RNGTT: variants seen among roughly 807,000 people sequenced by gnomAD.
RNGTT encodes RNA guanylyltransferase and 5'-phosphatase.
A neutral mutation model predicts 79.3 loss-of-function variants in RNGTT; 33 were observed. That is an observed-to-expected ratio of 0.42 (90% CI 0.32 to 0.56). The LOEUF is 0.56. Ranked by LOEUF, RNGTT falls within the 20% of genes least tolerant of loss-of-function variation. The probability of loss-of-function intolerance (pLI) is 0.17; values close to 1 mark genes in which losing one functional copy is unlikely to be tolerated. For missense variants in RNGTT, 497 were observed against 739.1 expected (o/e 0.67, Z 3.80); for synonymous variants, 222 against 235.9 (o/e 0.94, Z 0.54).
chr6:88,651,751 C>A (rs1397412763), intron 14 of RNGTT, among the ~76,000 whole-genome samples: 1 of 131,670 alleles, frequency 7.6e-6, no homozygotes, highest in East Asian at 1.9e-4. Flanking sequence ...CTTCTTGCCC[C>A]CCCAAATTTT....
chr6:88,691,697 A>T (rs556494608), intron 13 of RNGTT, among the ~76,000 whole-genome samples: 14 of 152,302 alleles, frequency 9.2e-5, no homozygotes, highest in African/African-American at 3.4e-4. Context: ...ATAAAATTTC[A>T]TTAAGCTGTA....
chr6:88,705,288 A>C (rs1043507459), intron 13 of RNGTT, among the ~76,000 whole-genome samples: 1 of 152,202 alleles, frequency 6.6e-6, no homozygotes, highest in African/African-American at 2.4e-5. Context: ...CACAAACAAA[A>C]AATGACACAT....
chr6:88,700,692 T>C (rs1775916361), intron 13 of RNGTT, among the ~76,000 whole-genome samples: 1 of 152,118 alleles, frequency 6.6e-6, no homozygotes, highest in Non-Finnish European at 1.5e-5. Flanking sequence ...GGTGAAGCTG[T>C]GGAAAGGTGG....
At chr6:88,654,404 AT>A (rs1468828193) in intron 14 of RNGTT, among the ~76,000 whole-genome samples, 1 of 151,810 alleles carries the variant, frequency 6.6e-6, no homozygotes, top group Non-Finnish European at 1.5e-5. Flanking sequence ...TTTCTTTCTA[AT>A]TTTTTCATCT....
chr6:88,915,427 T>C (rs1365112889), intron 4 of RNGTT, among the ~76,000 whole-genome samples: 1 of 152,206 alleles, frequency 6.6e-6, no homozygotes, highest in Non-Finnish European at 1.5e-5. Flanking sequence ...CATAGAATAC[T>C]ATGCAGCCAT....
At chr6:88,919,504 G>A (rs530680901) in intron 4 of RNGTT, among the ~76,000 whole-genome samples, 2 of 152,050 alleles carry the variant, frequency 1.3e-5, no homozygotes, top group East Asian at 1.9e-4. Context: ...TGGAGGGTGT[G>A]GGGGGTATAG....
At chr6:88,645,329 A>T (rs939980331) in intron 14 of RNGTT, among the ~76,000 whole-genome samples, 2 of 152,240 alleles carry the variant, frequency 1.3e-5, no homozygotes, top group African/African-American at 4.8e-5. Context: ...GAGAACTACA[A>T]ACCACTCTTC....
chr6:88,963,401 G>A lies in RNGTT; in HGVS notation c.9C>T (p.His3=), dbSNP rs745335072. Residue 3 remains histidine, a synonymous_variant, in exon 1 of 16, where the codon CAC becomes CAT. Transcript: ENST00000369485. ...TCAGCCACCGCGGCGGGATCTTGTT[G>A]TGAGCCATGTCTTGGGGCTGCGCAG... The part of the protein sequence containing the change: MA[H]NKIPPRWLNC... 3 of 1,606,800 alleles carry A rather than the reference G, an allele frequency of 1.9e-6. No individual in the cohort carries two copies. The African/African-American group carries it at 4.0e-5, about 22-fold the overall frequency.
Position 88,895,093 on chromosome 6 carries a change from A to G in RNGTT, c.685-3178T>C, listed in dbSNP as rs149244903. 2.8e-3 allele frequency among the ~76,000 whole-genome samples: 430 copies of G among 152,246 alleles called. 1 individual carries two copies. Among genetic ancestry groups the G allele is most frequent in the African/African-American group, 9.7e-3 (401 of 41,536 alleles). On this transcript the variant is annotated intron_variant, in intron 6 of 15. Transcript: ENST00000369485. ...AAAGTTAAAAAAGTATGTTTATAGA[A>G]ATATATTTCATAAACAGAGTCAGCT... is the stretch of plus-strand genomic sequence containing the variant.
chr6:88,936,878 C>T (rs1055819612), intron 2 of RNGTT, among the ~76,000 whole-genome samples: 15 of 152,128 alleles, frequency 9.9e-5, no homozygotes, highest in African/African-American at 2.2e-4. Flanking sequence ...TGAAGGCATC[C>T]GGTCCTAGAC....
intron 11 of RNGTT, among the ~76,000 whole-genome samples, chr6:88,841,877 C>G (rs1361707992): frequency 6.6e-6 from 1 of 152,126 alleles, no homozygotes; most frequent in Non-Finnish European, 1.5e-5. Flanking sequence ...CCAAATGTGC[C>G]CCCTTATCCC....
chr6:88,863,696 T>C lies in RNGTT; in HGVS notation c.897-9932A>G, dbSNP rs1782083063. 3.3e-5 allele frequency among the ~76,000 whole-genome samples: 5 copies of C among 152,166 alleles called. No individual in the cohort carries two copies. In the South Asian group the frequency reaches 1.0e-3, roughly 31 times the overall value. ...ATGGGGCCCAGTGTCAGTTTCTAGA[T>C]TCCTCTCTCTTATTCCACAAAATTA... On this transcript the variant is annotated intron_variant, in intron 8 of 15. Transcript: ENST00000369485.
At chr6:88,941,260 A>G in intron 1 of RNGTT, 80 bp from the exon 2 acceptor site, 1 of 1,019,420 alleles carries the variant, frequency 9.8e-7, no homozygotes, top group South Asian at 1.4e-5. Context: ...ATTCTCAAAT[A>G]TCACCTTCTT....
At chr6:88,842,145 A>G (rs1333003343) in intron 11 of RNGTT, among the ~76,000 whole-genome samples, 3 of 152,242 alleles carry the variant, frequency 2.0e-5, no homozygotes, top group Non-Finnish European at 4.4e-5. Flanking sequence ...ACGGGAAGTC[A>G]GAGAAGAAAA....
intron 11 of RNGTT, among the ~76,000 whole-genome samples, chr6:88,836,716 G>A: frequency 6.6e-6 from 1 of 152,004 alleles, no homozygotes; most frequent in Non-Finnish European, 1.5e-5. Context: ...CACTCCACTA[G>A]GTGACAGAAC....
At chr6:88,820,072 A>T (rs964411757) in intron 11 of RNGTT, among the ~76,000 whole-genome samples, 1 of 152,126 alleles carries the variant, frequency 6.6e-6, no homozygotes, top group African/African-American at 2.4e-5. Flanking sequence ...CCAAGCAAAG[A>T]GTATTAAGAA....
intron 14 of RNGTT, among the ~76,000 whole-genome samples, chr6:88,655,088 T>C (rs983589734): frequency 2.0e-5 from 3 of 152,170 alleles, no homozygotes; most frequent in African/African-American, 7.2e-5. Flanking sequence ...AAAATAAGTA[T>C]TGATCTAATA....
At chr6:88,860,133 T>G (rs1348184237) in intron 8 of RNGTT, among the ~76,000 whole-genome samples, 1 of 152,172 alleles carries the variant, frequency 6.6e-6, no homozygotes, top group African/African-American at 2.4e-5. Context: ...ACTACGACAG[T>G]AGTAACAATA....
chr6:88,690,043 A>G (rs1328674223), intron 13 of RNGTT, among the ~76,000 whole-genome samples: 1 of 152,158 alleles, frequency 6.6e-6, no homozygotes, highest in Admixed American at 6.5e-5. Flanking sequence ...AAAAAATGCA[A>G]AAGACCCAAC....
Sources: allele counts gnomAD v4.1 joint callset (sites outside exome capture counted in the v4.1 genomes callset), GRCh38; gene constraint gnomAD v4.1.1; transcripts MANE v1.5; gene names NCBI Gene and HGNC (gene_info 2026-07-23, HGNC 2026-07-21).